Variants in CDCA4 observed in about 807,000 individuals in gnomAD.
CDCA4 encodes the protein cell division cycle-associated protein 4.
For missense variants in CDCA4, 294 were observed against 322.1 expected (o/e 0.91, Z 0.67); for synonymous variants, 130 against 137.0 (o/e 0.95, Z 0.36).
chr14:105,020,182 T>A (rs1886189238), intron 1 of CDCA4, among the ~76,000 whole-genome samples: 1 of 152,206 alleles, frequency 6.6e-6, no homozygotes, highest in East Asian at 1.9e-4. Flanking sequence ...CCACCCTAAT[T>A]ATAAAACACG....
chr14:105,011,832 T>G lies in CDCA4; in HGVS notation c.98A>C (p.Gln33Pro). The part of the protein sequence containing the change: ...GLKTVSSYSL[Q>P]RQSLLDMSLV... ...AGACATGTCCAGGAGCGACTGCCGC[T>G]GCAGGCTGTATGAGGACACTGTCTT... Residue 33 changes from glutamine (Q) to proline (P), a missense_variant, in exon 2 of 2, where the codon CAG (glutamine) becomes CCG (proline). Physicochemically the swap from Gln to Pro is moderately conservative, Grantham distance 76. Transcript: ENST00000336219. The G allele has an allele frequency of 1.9e-6, 3 of 1,613,916 alleles. No individual in the cohort carries two copies. The highest frequency in any genetic ancestry group is 2.5e-6 in the Non-Finnish European group (3 of 1,180,040).
At chr14:105,013,838 A>G (rs931509583) in intron 1 of CDCA4, among the ~76,000 whole-genome samples, 3 of 152,256 alleles carry the variant, frequency 2.0e-5, no homozygotes, top group Non-Finnish European at 4.4e-5. Context: ...TTTATCCCAG[A>G]GAAAAAGCCA....
intron 1 of CDCA4, among the ~76,000 whole-genome samples, chr14:105,015,195 T>C (rs1900612708): frequency 6.6e-6 from 1 of 152,074 alleles, no homozygotes; most frequent in South Asian, 2.1e-4. Flanking sequence ...CGACAGACCC[T>C]CCCGCCCTTT....
In CDCA4 at chr14:105,010,970, C is replaced by T. The variant is rs1265738151; in HGVS notation, c.*234G>A. The T allele has an allele frequency of 1.7e-5, 10 of 577,138 alleles. No homozygotes were observed. The highest frequency in any genetic ancestry group is 3.3e-5 in the Admixed American group (1 of 30,020). 35.8% of individuals were successfully genotyped at this position (577,138 alleles called of 1,614,324 possible). Reference sequence around the variant, plus strand: ...CACGAGGGGCCCAGGGCTGTGGGGACGTCAGAAGACAAGAAGCCTTCCAGA... The same window carrying T: ...CACGAGGGGCCCAGGGCTGTGGGGATGTCAGAAGACAAGAAGCCTTCCAGA... On this transcript the variant is annotated 3_prime_UTR_variant, in exon 2 of 2. Coordinates refer to ENST00000336219, the MANE Select transcript of CDCA4 (RefSeq NM_017955.4).
intron 1 of CDCA4, among the ~76,000 whole-genome samples, chr14:105,020,351 G>A (rs1056143037): frequency 2.6e-5 from 4 of 152,216 alleles, no homozygotes; most frequent in African/African-American, 9.6e-5. Context: ...GCGAGGCAGC[G>A]GAGACCCTCT....
chr14:105,020,982 C>A lies in CDCA4; in HGVS notation c.-7+17G>T. Reference sequence around the variant, plus strand: ...ACGCCGCCGTAGACGCCCTAGCGGTCCGCCGGGCCCGCTCACCTGACCCGC... The same window carrying A: ...ACGCCGCCGTAGACGCCCTAGCGGTACGCCGGGCCCGCTCACCTGACCCGC... On this transcript the variant is annotated intron_variant, in intron 1 of 1. Transcript: ENST00000336219. 1 of 152,358 alleles carries A rather than the reference C, an allele frequency of 6.6e-6. No homozygotes were observed. The highest frequency in any genetic ancestry group is 1.9e-4 in the South Asian group (1 of 5,208). 9.4% of individuals were successfully genotyped at this position (152,358 alleles called of 1,614,324 possible).
Position 105,010,413 on chromosome 14 carries a change from C to T in CDCA4, c.*791G>A, listed in dbSNP as rs907357876. On this transcript the variant is annotated 3_prime_UTR_variant, in exon 2 of 2. Coordinates refer to ENST00000336219, the MANE Select transcript of CDCA4 (RefSeq NM_017955.4). ...CTGGTGCCTGTGATCTACAAACAGA[C>T]AAATATTTGACCTTTGTCTTCAATG... 6.6e-6 allele frequency: 1 copy of T among 152,190 alleles called. No homozygotes were observed. Among genetic ancestry groups the T allele is most frequent in the Non-Finnish European group, 1.5e-5 (1 of 68,032 alleles). The allele number at this position is 152,190 out of a possible 1,614,324, so 9.4% of individuals were successfully genotyped here. A position where few individuals can be genotyped will look rare whatever the true frequency, so the allele number is the denominator to read the frequency against.
chr14:105,018,613 G>A (rs1418896517), intron 1 of CDCA4, among the ~76,000 whole-genome samples: 1 of 152,126 alleles, frequency 6.6e-6, no homozygotes, highest in Non-Finnish European at 1.5e-5. Context: ...TGCCTGGGCT[G>A]GGCCCAGCTC....
At chr14:105,012,059 T>C in intron 1 of CDCA4, 124 bp from the exon 2 acceptor site, 1 of 1,135,640 alleles carries the variant, frequency 8.8e-7, no homozygotes, top group South Asian at 1.5e-5. Flanking sequence ...TGGCAGGGAC[T>C]TGACAGAGCT....
In CDCA4 at chr14:105,011,163, T is replaced by C; in HGVS notation, c.*41A>G. ...CTCCGTGGGAGCCAGTGCTCACGTG[T>C]CAATGCGTCAGAGGCGGCTGTGAGC... On this transcript the variant is annotated 3_prime_UTR_variant, in exon 2 of 2. Coordinates refer to ENST00000336219, the MANE Select transcript of CDCA4 (RefSeq NM_017955.4). The C allele has an allele frequency of 1.3e-6, 2 of 1,559,844 alleles. No individual in the cohort carries two copies. Among genetic ancestry groups the C allele is most frequent in the Non-Finnish European group, 1.7e-6 (2 of 1,153,390 alleles).
intron 1 of CDCA4, among the ~76,000 whole-genome samples, chr14:105,015,873 G>T (rs1054540892): frequency 6.6e-6 from 1 of 151,998 alleles, no homozygotes; most frequent in Admixed American, 6.5e-5. Flanking sequence ...TGGTCAGGCT[G>T]GTCTCAAAAC....
At chr14:105,018,880 G>T (rs1886153036) in intron 1 of CDCA4, among the ~76,000 whole-genome samples, 1 of 151,968 alleles carries the variant, frequency 6.6e-6, no homozygotes, top group African/African-American at 2.4e-5. Flanking sequence ...AGGACTACAG[G>T]CACGCGCCAC....
chr14:105,018,752 T>G (rs1222150983), intron 1 of CDCA4, among the ~76,000 whole-genome samples: 2 of 151,814 alleles, frequency 1.3e-5, no homozygotes, highest in Non-Finnish European at 2.9e-5. Flanking sequence ...TTTTTTTTTT[T>G]TTAAGACAGA....
At chr14:105,018,505 G>C (rs1886142574) in intron 1 of CDCA4, among the ~76,000 whole-genome samples, 1 of 152,156 alleles carries the variant, frequency 6.6e-6, no homozygotes, top group South Asian at 2.1e-4. Context: ...ATAAGGTTGG[G>C]CCCGGAGAAG....
At position 105,010,867 on chromosome 14, in the gene CDCA4, A is replaced by G. The variant is rs1357508101; in HGVS notation, c.*337T>C. ...CAAAACATGTAAAACTGAATTGTAAAAATTCACCTATCTAAAGGTAAAAGG... is the reference window on the plus strand; with the variant it reads ...CAAAACATGTAAAACTGAATTGTAAGAATTCACCTATCTAAAGGTAAAAGG... On this transcript the variant is annotated 3_prime_UTR_variant, in exon 2 of 2. Coordinates refer to ENST00000336219, the MANE Select transcript of CDCA4 (RefSeq NM_017955.4). The G allele has an allele frequency of 3.3e-6, 1 of 302,886 alleles. No individual in the cohort carries two copies. The highest frequency in any genetic ancestry group is 6.1e-6 in the Non-Finnish European group (1 of 164,452). The allele number at this position is 302,886 out of a possible 1,614,324, so 18.8% of individuals were successfully genotyped here.
chr14:105,011,172 C>G lies in CDCA4; in HGVS notation c.*32G>C. The G allele has an allele frequency of 1.9e-6, 3 of 1,573,836 alleles. No homozygotes were observed. The highest frequency in any genetic ancestry group is 2.6e-6 in the Non-Finnish European group (3 of 1,160,038). ...AGCCAGTGCTCACGTGTCAATGCGT[C>G]AGAGGCGGCTGTGAGCACTCAGGGC... On this transcript the variant is annotated 3_prime_UTR_variant, in exon 2 of 2. Transcript: ENST00000336219.
chr14:105,012,124 G>A (rs1450666716), intron 1 of CDCA4, among the ~76,000 whole-genome samples, 189 bp from the exon 2 acceptor site: 1 of 152,172 alleles, frequency 6.6e-6, no homozygotes, highest in Admixed American at 6.5e-5. Flanking sequence ...CCCACCCCCA[G>A]ATCAGCTGCC....
intron 1 of CDCA4, among the ~76,000 whole-genome samples, chr14:105,019,498 C>CT (rs1886169710): frequency 6.6e-6 from 1 of 152,262 alleles, no homozygotes; most frequent in South Asian, 2.1e-4. Context: ...CACAGCTGGA[C>CT]TTGCAGCCAC....
At chr14:105,016,437 G>A (rs1900657228) in intron 1 of CDCA4, among the ~76,000 whole-genome samples, 1 of 152,194 alleles carries the variant, frequency 6.6e-6, no homozygotes, top group Admixed American at 6.5e-5. Flanking sequence ...ACTTACTAGG[G>A]TGATGTGCAG....
Sources: gnomAD v4.1 joint callset for allele counts (sites outside exome capture counted in the v4.1 genomes callset) on GRCh38, gnomAD v4.1.1 for gene constraint, MANE v1.5 for transcripts, NCBI Gene and HGNC (gene_info 2026-07-23, HGNC 2026-07-21) for gene names.